The following ZBTB7C variants were observed in gnomAD, a reference collection of about 807,000 sequenced individuals.
ZBTB7C encodes zinc finger and BTB domain-containing protein 7C.
A neutral mutation model predicts 25.7 loss-of-function variants in ZBTB7C; 8 were observed. The observed-to-expected ratio is 0.31, with a 90% confidence interval of 0.18 to 0.56. The LOEUF is 0.56. Among genes scored for constraint, ZBTB7C ranks in the 20% least tolerant of loss-of-function variants. The pLI is 0.91. For missense variants in ZBTB7C, 824 were observed against 855.2 expected (o/e 0.96, Z 0.46); for synonymous variants, 394 against 369.0 (o/e 1.07, Z -0.78).
At chr18:48,411,446 C>T (rs1011076), upstream of ZBTB7C, among the ~76,000 whole-genome samples, 18,566 of 152,258 alleles carry the variant, frequency 0.12, 2,176 homozygotes, top group African/African-American at 0.31. Context: ...AGCCACTGCC[C>T]TCTCATATTA....
chr18:48,029,124 T>A lies in ZBTB7C; in HGVS notation c.*136A>T, dbSNP rs1230264718. 1 of 1,230,354 alleles carries A rather than the reference T, an allele frequency of 8.1e-7. No homozygotes were observed. The highest frequency in any genetic ancestry group is 1.6e-5 in the African/African-American group (1 of 61,678). 76.2% of individuals were successfully genotyped at this position (1,230,354 alleles called of 1,614,324 possible). A position where few individuals can be genotyped will look rare whatever the true frequency, so the allele number is the denominator to read the frequency against. On this transcript the variant is annotated 3_prime_UTR_variant, in exon 5 of 5. Coordinates refer to ENST00000590800, the MANE Select transcript of ZBTB7C (RefSeq NM_001318841.2). ...TAGGAGCCCGGGAAAATGCCATCACTGATAGTATTATTATTATTTTCCCAT... is the reference window on the plus strand; with the variant it reads ...TAGGAGCCCGGGAAAATGCCATCACAGATAGTATTATTATTATTTTCCCAT...
intron 2 of ZBTB7C, among the ~76,000 whole-genome samples, chr18:48,301,250 G>C (rs1000404720): frequency 6.6e-6 from 1 of 152,144 alleles, no homozygotes; most frequent in South Asian, 2.1e-4. Flanking sequence ...AGGCTGAGGT[G>C]GGGGGATCAC....
chr18:48,290,631 T>C (rs891437182), intron 2 of ZBTB7C, among the ~76,000 whole-genome samples: 4 of 152,160 alleles, frequency 2.6e-5, no homozygotes, highest in African/African-American at 7.2e-5. Context: ...GACAACAGGA[T>C]CTATTGTTGG....
chr18:48,265,866 C>G (rs1189856308), intron 2 of ZBTB7C, among the ~76,000 whole-genome samples: 1 of 152,188 alleles, frequency 6.6e-6, no homozygotes, highest in Non-Finnish European at 1.5e-5. Flanking sequence ...GCACTGGGCC[C>G]TTTTGCTAAA....
At chr18:48,282,847 A>G (rs921791545) in intron 2 of ZBTB7C, among the ~76,000 whole-genome samples, 1 of 152,230 alleles carries the variant, frequency 6.6e-6, no homozygotes, top group African/African-American at 2.4e-5. Flanking sequence ...GGTTACCCTT[A>G]GGAATGTGAC....
At chr18:48,376,463 G>A (rs2047521314) in intron 1 of ZBTB7C, among the ~76,000 whole-genome samples, 1 of 152,206 alleles carries the variant, frequency 6.6e-6, no homozygotes, top group African/African-American at 2.4e-5. Context: ...CGATGTCTGA[G>A]GCCAAGGGAA....
intron 3 of ZBTB7C, among the ~76,000 whole-genome samples, chr18:48,092,928 C>T (rs1038613160): frequency 6.6e-6 from 1 of 152,170 alleles, no homozygotes; most frequent in African/African-American, 2.4e-5. Context: ...CGAAGGAAAG[C>T]CATGAAATAC....
intron 2 of ZBTB7C, among the ~76,000 whole-genome samples, chr18:48,312,719 G>A (rs1356580926): frequency 6.6e-6 from 1 of 152,110 alleles, no homozygotes; most frequent in African/African-American, 2.4e-5. Context: ...GAGTCAGTGC[G>A]GGTCATGTCA....
chr18:48,149,626 G>C (rs1041960256), intron 3 of ZBTB7C: 1 of 152,116 alleles, frequency 6.6e-6, no homozygotes, highest in African/African-American at 2.4e-5. Flanking sequence ...AGGATGGATG[G>C]GGGAACAGGG....
At chr18:48,067,573 GGTCCCCAGAGGAAGAGGTAACTCT>G (rs2037376796) in intron 3 of ZBTB7C, among the ~76,000 whole-genome samples, 2 of 152,162 alleles carry the variant, frequency 1.3e-5, no homozygotes, top group South Asian at 4.1e-4. Flanking sequence ...AAATGACTGA[GGTCCCCAGAGGAAGAGGTAACTCT>G]GTCCCCAGAG....
intron 2 of ZBTB7C, among the ~76,000 whole-genome samples, chr18:48,334,094 A>G (rs115229138): frequency 0.013 from 1,984 of 152,258 alleles, 39 homozygotes; most frequent in African/African-American, 0.045. Flanking sequence ...AGGAGGACCT[A>G]CAGGACTTAC....
At chr18:48,251,873 C>G (rs1331364844) in intron 2 of ZBTB7C, among the ~76,000 whole-genome samples, 1 of 152,164 alleles carries the variant, frequency 6.6e-6, no homozygotes, top group African/African-American at 2.4e-5. Context: ...CTCTCTCTCT[C>G]TCTGCAGGAG....
At chr18:48,166,380 A>G (rs1599011319) in intron 3 of ZBTB7C, among the ~76,000 whole-genome samples, 1 of 152,222 alleles carries the variant, frequency 6.6e-6, no homozygotes, top group African/African-American at 2.4e-5. Flanking sequence ...GATGCTTCAT[A>G]GAAGAAGAAT....
At chr18:48,105,737 A>AGCCCTGCCTGGTGT (rs1341903088) in intron 3 of ZBTB7C, among the ~76,000 whole-genome samples, 1 of 152,158 alleles carries the variant, frequency 6.6e-6, no homozygotes, top group African/African-American at 2.4e-5. Flanking sequence ...AGAGAGGGAA[A>AGCCCTGCCTGGTGT]GCCCTGCCTG....
chr18:48,227,423 G>A (rs1330684951), intron 2 of ZBTB7C, among the ~76,000 whole-genome samples: 9 of 152,194 alleles, frequency 5.9e-5, no homozygotes, highest in Non-Finnish European at 1.5e-5. Context: ...CTTCCTTTCT[G>A]CCGTCCTCTA....
chr18:48,031,020 C>T (rs374442413), intron 4 of ZBTB7C, among the ~76,000 whole-genome samples: 1 of 152,236 alleles, frequency 6.6e-6, no homozygotes, highest in South Asian at 2.1e-4. Flanking sequence ...TTCCTCCCTG[C>T]AGGTGTGGCT....
intron 2 of ZBTB7C, among the ~76,000 whole-genome samples, chr18:48,194,959 G>T (rs145386518): frequency 4.6e-5 from 7 of 152,150 alleles, no homozygotes; most frequent in Non-Finnish European, 8.8e-5. Context: ...TCCCAATTTT[G>T]CCAGCTCTGG....
Position 48,338,915 on chromosome 18 carries a change from G to C in ZBTB7C, c.-303-517C>G, listed in dbSNP as rs569567494. On this transcript the variant is annotated intron_variant, in intron 1 of 4. Transcript: ENST00000590800. ...TTCTGGTGTTCTGTAGTTTGTTGGG[G>C]GGGGGGGGTCCAGGTAGGACACCCC... 5.8e-4 allele frequency among the ~76,000 whole-genome samples: 88 copies of C among 152,030 alleles called. 2 individuals carry two copies. In the East Asian group the frequency reaches 6.4e-3, roughly 11 times the overall value.
At chr18:48,393,590 T>C (rs1313349743) in intron 1 of ZBTB7C, among the ~76,000 whole-genome samples, 1 of 152,104 alleles carries the variant, frequency 6.6e-6, no homozygotes, top group African/African-American at 2.4e-5. Flanking sequence ...AAGCTCTGAA[T>C]CGAAACTAAA....
Sources: gnomAD v4.1 joint callset for allele counts (sites outside exome capture counted in the v4.1 genomes callset) on GRCh38, gnomAD v4.1.1 for gene constraint, MANE v1.5 for transcripts, NCBI Gene and HGNC (gene_info 2026-07-23, HGNC 2026-07-21) for gene names.